ADD2: variants seen among roughly 807,000 people sequenced by gnomAD.
The protein encoded by ADD2 is adducin 2.
A neutral mutation model predicts 83.0 loss-of-function variants in ADD2; 23 were observed. That is an observed-to-expected ratio of 0.28 (90% CI 0.20 to 0.39). The LOEUF (loss-of-function observed/expected upper bound fraction) is 0.39. ADD2 is among the 10% of genes least tolerant of loss of function. The pLI is 1.00. For synonymous variants in ADD2, 375 were observed against 375.4 expected (o/e 1.00, Z 0.01); for missense variants, 758 against 944.9 (o/e 0.80, Z 2.59).
intron 15 of ADD2, among the ~76,000 whole-genome samples, chr2:70,666,186 A>C (rs1675796029): frequency 1.3e-5 from 2 of 152,192 alleles, no homozygotes; most frequent in Non-Finnish European, 2.9e-5. Flanking sequence ...GTGTCTAATG[A>C]CCTATGTCAC....
In ADD2 at chr2:70,659,701, GTC is replaced by G. The variant is rs1438146403; in HGVS notation, c.*3722_*3723del. 2 of 152,258 alleles carry G rather than the reference GTC, an allele frequency of 1.3e-5. No homozygotes were observed. The highest frequency in any genetic ancestry group is 4.8e-5 in the African/African-American group (2 of 41,434). The allele number at this position is 152,258 out of a possible 1,614,324, so 9.4% of individuals were successfully genotyped here. Reference sequence around the variant, plus strand: ...GGAGTCCAGATCTGGGCTAGAAGGTGTCTCTTTCTGCAGTTTGGGAGGAAGGT... The same window carrying G: ...GGAGTCCAGATCTGGGCTAGAAGGTGTCTTTCTGCAGTTTGGGAGGAAGGT... On this transcript the variant is annotated 3_prime_UTR_variant, in exon 16 of 16. Coordinates refer to ENST00000264436, the MANE Select transcript of ADD2 (RefSeq NM_001617.4).
intron 1 of ADD2, among the ~76,000 whole-genome samples, chr2:70,734,776 C>T (rs1673442580): frequency 6.6e-6 from 1 of 152,174 alleles, no homozygotes; most frequent in Non-Finnish European, 1.5e-5. Flanking sequence ...ATTCCCCAAG[C>T]CGACCACCTC....
chr2:70,757,118 G>A (rs557670280), intron 1 of ADD2, among the ~76,000 whole-genome samples: 5 of 152,302 alleles, frequency 3.3e-5, no homozygotes, highest in East Asian at 3.9e-4. Context: ...ATAAGCCACC[G>A]TGCCCGGCTG....
intron 2 of ADD2, among the ~76,000 whole-genome samples, chr2:70,712,450 A>AT (rs1186233173): frequency 2.3e-4 from 29 of 125,732 alleles, no homozygotes; most frequent in African/African-American, 8.2e-4. Context: ...TCTCAAAAAA[A>AT]ATAAATAAAT....
At chr2:70,704,284 C>CCACACAAAA in intron 4 of ADD2, 37 bp downstream of exon 4, 1 of 1,560,602 alleles carries the variant, frequency 6.4e-7, no homozygotes, top group Non-Finnish European at 8.7e-7. Flanking sequence ...CCCTCCCCTC[C>CCACACAAAA]ACCTCTGCTC....
rs564673313 is a variant in ADD2, at chr2:70,678,458, T to G, written c.1383+246A>C. On this transcript the variant is annotated intron_variant, in intron 11 of 15. Coordinates refer to ENST00000264436, the MANE Select transcript of ADD2 (RefSeq NM_001617.4). ...ACCAACTGGTTCTGGGTCATGTGCC[T>G]GGTCCAACTGCCCTCTGGAGAAATC... Among the ~76,000 whole-genome samples, 9 of 152,280 alleles carry G rather than the reference T, an allele frequency of 5.9e-5. No individual in the cohort carries two copies. The East Asian group carries it at 1.7e-3, about 29-fold the overall frequency.
intron 14 of ADD2, 166 bp from the exon 15 acceptor site, chr2:70,673,172 T>C: frequency 6.3e-7 from 1 of 1,583,546 alleles, no homozygotes. Flanking sequence ...TTCTTAGATT[T>C]CTGCTACTTC....
At chr2:70,683,365 G>A (rs782031504) in intron 10 of ADD2, among the ~76,000 whole-genome samples, 1 of 152,116 alleles carries the variant, frequency 6.6e-6, no homozygotes, top group Non-Finnish European at 1.5e-5. Flanking sequence ...GCAGATATGA[G>A]AACATCCACA....
At chr2:70,665,296 T>A (rs1259880133) in intron 15 of ADD2, among the ~76,000 whole-genome samples, 2 of 152,010 alleles carry the variant, frequency 1.3e-5, no homozygotes, top group Non-Finnish European at 2.9e-5. Context: ...TGTAACAAAG[T>A]CTTTGCAACT....
chr2:70,740,098 T>C (rs1673806487), intron 1 of ADD2, among the ~76,000 whole-genome samples: 2 of 152,142 alleles, frequency 1.3e-5, no homozygotes, highest in South Asian at 4.1e-4. Context: ...AAACAAACTA[T>C]GGCTTATGAT....
chr2:70,692,636 G>A (rs1671103836), intron 6 of ADD2, 84 bp from the exon 7 acceptor site: 1 of 1,400,394 alleles, frequency 7.1e-7, no homozygotes, highest in South Asian at 1.5e-5. Flanking sequence ...CCCAGCATGT[G>A]CCGCCCACCT....
chr2:70,690,695 CCCTT>C, intron 8 of ADD2, 87 bp downstream of exon 8: 2 of 1,430,440 alleles, frequency 1.4e-6, no homozygotes, highest in Non-Finnish European at 1.9e-6. Flanking sequence ...CTCTCTCCCT[CCCTT>C]ATTGTCCAAT....
chr2:70,708,332 C>G (rs114103540), intron 2 of ADD2, among the ~76,000 whole-genome samples: 249 of 152,270 alleles, frequency 1.6e-3, no homozygotes, highest in African/African-American at 5.7e-3. Flanking sequence ...TGGTTCTCAA[C>G]CTTGGGTGCA....
chr2:70,729,120 G>A (rs1673156290), intron 1 of ADD2, among the ~76,000 whole-genome samples: 1 of 152,234 alleles, frequency 6.6e-6, no homozygotes, highest in Non-Finnish European at 1.5e-5. Context: ...TCCATGCTGG[G>A]TTGGGGGCAA....
chr2:70,668,921 C>T (rs1200907927), intron 15 of ADD2, among the ~76,000 whole-genome samples: 1 of 152,198 alleles, frequency 6.6e-6, no homozygotes, highest in Non-Finnish European at 1.5e-5. Context: ...TCAGATGGAT[C>T]CTGACCTACA....
intron 4 of ADD2, among the ~76,000 whole-genome samples, chr2:70,697,375 G>C (rs1671363766): frequency 6.6e-6 from 1 of 152,200 alleles, no homozygotes; most frequent in African/African-American, 2.4e-5. Flanking sequence ...TGGGCCTAGA[G>C]GGTTTGATAG....
chr2:70,720,027 T>G (rs1291996247), intron 1 of ADD2, among the ~76,000 whole-genome samples: 2 of 134,578 alleles, frequency 1.5e-5, no homozygotes, highest in East Asian at 4.1e-4. Flanking sequence ...AACCATATCC[T>G]AAGCCATAAG....
chr2:70,755,868 G>A (rs539515844), intron 1 of ADD2, among the ~76,000 whole-genome samples: 2 of 152,064 alleles, frequency 1.3e-5, no homozygotes, highest in Non-Finnish European at 2.9e-5. Flanking sequence ...AGACCAGCCT[G>A]GCCAACATGG....
intron 7 of ADD2, among the ~76,000 whole-genome samples, 162 bp from the exon 8 acceptor site, chr2:70,691,091 C>G (rs1671008253): frequency 6.6e-6 from 1 of 152,218 alleles, no homozygotes; most frequent in Non-Finnish European, 1.5e-5. Context: ...TCCTCTACCA[C>G]CTGGCTTGGG....
Sources: allele counts gnomAD v4.1 joint callset (sites outside exome capture counted in the v4.1 genomes callset), GRCh38; gene constraint gnomAD v4.1.1; transcripts MANE v1.5; gene names NCBI Gene and HGNC (gene_info 2026-07-23, HGNC 2026-07-21).